Variants in RAPH1 observed in about 807,000 individuals in gnomAD.
RAPH1 encodes the protein Ras association (RalGDS/AF-6) and pleckstrin homology domains 1.
In RAPH1, 18 loss-of-function variants were observed where a neutral mutation model predicts 88.1. The ratio of observed to expected loss-of-function variants is 0.20; its 90% confidence interval spans 0.14 to 0.30. The LOEUF is 0.30. Among genes scored for constraint, RAPH1 ranks in the 10% least tolerant of loss-of-function variants. The probability of loss-of-function intolerance (pLI) is 1.00; values close to 1 mark genes in which losing one functional copy is unlikely to be tolerated. For missense variants in RAPH1, 1,448 were observed against 1,543.2 expected (o/e 0.94, Z 1.03); for synonymous variants, 587 against 559.0 (o/e 1.05, Z -0.71).
Position 203,462,435 on chromosome 2 carries a change from AC to A in RAPH1, c.733-511del, listed in dbSNP as rs577823429. ...CCTACCTGTTTACAACCATATAAAAACCCTTTAAAAAATAAAAATGTAGGTA... is the reference window on the plus strand; with the variant it reads ...CCTACCTGTTTACAACCATATAAAAACCTTTAAAAAATAAAAATGTAGGTA... On this transcript the variant is annotated intron_variant, in intron 4 of 13. Transcript: ENST00000319170. Among the ~76,000 whole-genome samples, 48 of 152,280 alleles carry A rather than the reference AC, an allele frequency of 3.2e-4. 1 individual carries two copies. The highest frequency in any genetic ancestry group is 3.4e-3 in the Middle Eastern group (1 of 294).
chr2:203,503,783 T>C (rs1470855369), intron 1 of RAPH1, among the ~76,000 whole-genome samples: 1 of 152,174 alleles, frequency 6.6e-6, no homozygotes, highest in African/African-American at 2.4e-5. Flanking sequence ...AGCTAGTTAC[T>C]TCCCAGATAC....
intron 7 of RAPH1, 71 bp downstream of exon 7, chr2:203,459,836 A>C: frequency 6.7e-7 from 1 of 1,489,710 alleles, no homozygotes; most frequent in East Asian, 2.3e-5. Flanking sequence ...TTTAACTCTA[A>C]CTTAGCAGTA....
chr2:203,453,136 A>G (rs2098516239), intron 10 of RAPH1, among the ~76,000 whole-genome samples: 1 of 152,186 alleles, frequency 6.6e-6, no homozygotes, highest in South Asian at 2.1e-4. Context: ...TGTGGACCTC[A>G]TTTTGAAAAC....
At chr2:203,506,141 G>A (rs1178213069) in intron 1 of RAPH1, among the ~76,000 whole-genome samples, 1 of 152,210 alleles carries the variant, frequency 6.6e-6, no homozygotes. Context: ...GCTTTGAGAG[G>A]AAAGGGGGTA....
intron 4 of RAPH1, among the ~76,000 whole-genome samples, chr2:203,463,790 T>C (rs1157526836): frequency 6.6e-6 from 1 of 152,228 alleles, no homozygotes; most frequent in Non-Finnish European, 1.5e-5. Flanking sequence ...AGCAGAATTA[T>C]AAAACATGTT....
rs535986421 is a variant in RAPH1, at chr2:203,529,797, T to A, written c.-1+5314A>T. Reference sequence around the variant, plus strand: ...GGGCTTAAATTTTAATAGTCTAACATAATGGTAAATCCTTGGCTTCCTGAT... The same window carrying A: ...GGGCTTAAATTTTAATAGTCTAACAAAATGGTAAATCCTTGGCTTCCTGAT... On this transcript the variant is annotated intron_variant, in intron 1 of 13. Transcript: ENST00000319170. 3.9e-5 allele frequency among the ~76,000 whole-genome samples: 6 copies of A among 152,368 alleles called. No individual in the cohort carries two copies. In the South Asian group the frequency reaches 1.0e-3, roughly 26 times the overall value.
At chr2:203,497,481 A>C (rs1240762550) in intron 1 of RAPH1, among the ~76,000 whole-genome samples, 2 of 152,156 alleles carry the variant, frequency 1.3e-5, no homozygotes, top group Non-Finnish European at 2.9e-5. Context: ...TCACTATATA[A>C]AATTTTGCAG....
At chr2:203,527,969 G>A (rs1479410063) in intron 1 of RAPH1, among the ~76,000 whole-genome samples, 1 of 152,036 alleles carries the variant, frequency 6.6e-6, no homozygotes, top group Non-Finnish European at 1.5e-5. Flanking sequence ...AAGTGTTAAC[G>A]GATGTTGTTA....
At position 203,434,566 on chromosome 2, in the gene RAPH1, C is replaced by CAAAAA. The variant is rs369267717; in HGVS notation, c.*4866_*4870dup. ...CTAGAAGGGGTTATTTTACAAGTAG[C>CAAAAA]AAAAAAAAAAAAAAAAGTAGGAGGT... On this transcript the variant is annotated 3_prime_UTR_variant, in exon 14 of 14. Coordinates refer to ENST00000319170, the MANE Select transcript of RAPH1 (RefSeq NM_213589.3). 1,315 of 102,528 alleles carry CAAAAA rather than the reference C, an allele frequency of 0.013. 21 individuals carry two copies. Among genetic ancestry groups the CAAAAA allele is most frequent in the African/African-American group, 0.035 (1,164 of 32,982 alleles). 6.4% of individuals were successfully genotyped at this position (102,528 alleles called of 1,614,324 possible).
At chr2:203,506,121 G>A (rs1688981772) in intron 1 of RAPH1, among the ~76,000 whole-genome samples, 2 of 152,120 alleles carry the variant, frequency 1.3e-5, no homozygotes, top group African/African-American at 4.8e-5. Flanking sequence ...CAATCCCAGA[G>A]GCAACCCATG....
At chr2:203,466,901 T>C (rs1308661076) in intron 4 of RAPH1, among the ~76,000 whole-genome samples, 2 of 152,202 alleles carry the variant, frequency 1.3e-5, no homozygotes, top group Non-Finnish European at 2.9e-5. Context: ...GTGTAAAAAT[T>C]AGAATACTTA....
chr2:203,506,821 T>TATATATATATCTAG (rs1689062984), intron 1 of RAPH1, among the ~76,000 whole-genome samples: 1 of 62,622 alleles, frequency 1.6e-5, no homozygotes, highest in African/African-American at 8.6e-5. Flanking sequence ...TCTATATATC[T>TATATATATATCTAG]ATATATATAT....
At chr2:203,455,406 G>A (rs1197400223) in intron 9 of RAPH1, 31 bp downstream of exon 9, 1 of 1,599,228 alleles carries the variant, frequency 6.3e-7, no homozygotes, top group Admixed American at 1.7e-5. Context: ...AGCATAATGA[G>A]GAAGTTCAAA....
rs2098508030 is a variant in RAPH1 at position 203,444,873 on chromosome 2, T to C, written c.1771A>G (p.Ser591Gly). The C allele has an allele frequency of 1.7e-5, 27 of 1,613,698 alleles. No individual in the cohort carries two copies. The highest frequency in any genetic ancestry group is 2.3e-5 in the Non-Finnish European group (27 of 1,179,886). ...AATTAAAACGAAGCTGTTACCTTGC[T>C]GGACTCTTCCAACTGAGTGCCTCGT... ...WKRGTQLEES[S>G]KARMESMNRP... The change falls in exon 13 of 14, where the codon AGC (serine) becomes GGC (glycine). Residue 591 changes from serine to glycine, a missense_variant. Around this residue, in one of 2 missense-constraint regions of RAPH1, gnomAD observed 935 missense variants for 890.1 expected, o/e 1.05. Coordinates refer to ENST00000319170, the MANE Select transcript of RAPH1 (RefSeq NM_213589.3).
chr2:203,453,974 A>G (rs1224411996), intron 10 of RAPH1, among the ~76,000 whole-genome samples: 6 of 152,302 alleles, frequency 3.9e-5, no homozygotes, highest in Admixed American at 6.5e-5. Flanking sequence ...TATCATGACT[A>G]TAGTTCAGGG....
chr2:203,483,785 C>T (rs1036875039), intron 4 of RAPH1, among the ~76,000 whole-genome samples: 2 of 152,282 alleles, frequency 1.3e-5, no homozygotes, highest in South Asian at 4.1e-4. Flanking sequence ...TCCTCCCTAT[C>T]CTTCCTAGAG....
chr2:203,466,173 A>T (rs2098528292), intron 4 of RAPH1, among the ~76,000 whole-genome samples: 1 of 152,224 alleles, frequency 6.6e-6, no homozygotes, highest in Non-Finnish European at 1.5e-5. Context: ...TTATTAAAGG[A>T]TAACCCTTGC....
chr2:203,475,679 C>T (rs1687387004), intron 4 of RAPH1, among the ~76,000 whole-genome samples: 1 of 150,558 alleles, frequency 6.6e-6, no homozygotes, highest in African/African-American at 2.4e-5. Flanking sequence ...TCATTATCTG[C>T]TATCACTTAT....
At chr2:203,477,204 C>T (rs903842959) in intron 4 of RAPH1, 19 of 1,417,700 alleles carry the variant, frequency 1.3e-5, no homozygotes, top group Non-Finnish European at 1.6e-5. Flanking sequence ...GGAGGTGAAA[C>T]GGGCAGTTCT....
Sources: gnomAD v4.1 joint callset for allele counts (sites outside exome capture counted in the v4.1 genomes callset) on GRCh38, gnomAD v4.1.1 for gene constraint, gnomAD v4.1.1 regional missense constraint, MANE v1.5 for transcripts, NCBI Gene and HGNC (gene_info 2026-07-23, HGNC 2026-07-21) for gene names.